THSD4: variants seen among roughly 807,000 people sequenced by gnomAD.
THSD4 encodes the protein thrombospondin type 1 domain containing 4.
In THSD4, 69 loss-of-function variants were observed where a neutral mutation model predicts 119.0. The observed-to-expected ratio is 0.58, with a 90% confidence interval of 0.48 to 0.71. The LOEUF (loss-of-function observed/expected upper bound fraction) is 0.71, where lower values mean the gene tolerates loss of function less well. Ranked by LOEUF, THSD4 falls within the 30% of genes least tolerant of loss-of-function variation. The pLI, the probability that THSD4 is intolerant of heterozygous loss-of-function variation, is 0.00. For missense variants in THSD4, 1,393 were observed against 1,391.1 expected (o/e 1.00, Z -0.02); for synonymous variants, 524 against 540.4 (o/e 0.97, Z 0.42).
At chr15:71,271,676 T>A (rs2044531988) in intron 6 of THSD4, among the ~76,000 whole-genome samples, 1 of 152,234 alleles carries the variant, frequency 6.6e-6, no homozygotes. Context: ...TCTTTCTTTC[T>A]CATTGTCTCA....
At chr15:71,152,796 G>A (rs927270052) in intron 2 of THSD4, among the ~76,000 whole-genome samples, 2 of 152,134 alleles carry the variant, frequency 1.3e-5, no homozygotes, top group Non-Finnish European at 2.9e-5. Flanking sequence ...CTCCTGCTGC[G>A]CCATGCCCTG....
intron 3 of THSD4, among the ~76,000 whole-genome samples, chr15:71,200,303 G>T (rs1596265703): frequency 6.6e-6 from 1 of 152,262 alleles, no homozygotes; most frequent in South Asian, 2.1e-4. Flanking sequence ...GGTGGATGGA[G>T]CATGGGACAT....
chr15:71,112,353 C>A (rs1038551322), upstream of THSD4: 3 of 1,002,054 alleles, frequency 3.0e-6, no homozygotes, highest in Non-Finnish European at 4.2e-6. Flanking sequence ...TATAATAGGA[C>A]AACAGGTGTA....
chr15:71,219,659 C>G (rs1395600315), intron 4 of THSD4, among the ~76,000 whole-genome samples: 1 of 152,190 alleles, frequency 6.6e-6, no homozygotes, highest in African/African-American at 2.4e-5. Context: ...ACAATGGCTC[C>G]CATGTTGAAG....
At chr15:71,239,218 A>T (rs1400588152) in intron 4 of THSD4, among the ~76,000 whole-genome samples, 2 of 152,218 alleles carry the variant, frequency 1.3e-5, no homozygotes. Flanking sequence ...AAATGAATAC[A>T]AGGCCAGAAC....
At chr15:71,303,549 G>T (rs529473456) in intron 6 of THSD4, among the ~76,000 whole-genome samples, 1 of 152,314 alleles carries the variant, frequency 6.6e-6, no homozygotes, top group Non-Finnish European at 1.5e-5. Context: ...AAAAGCCAGG[G>T]CTGTGGGCCT....
intron 7 of THSD4, among the ~76,000 whole-genome samples, chr15:71,539,495 G>T (rs940477485): frequency 6.6e-6 from 1 of 152,050 alleles, no homozygotes; most frequent in African/African-American, 2.4e-5. Flanking sequence ...ATCTGCTATG[G>T]TTTACTCTTC....
chr15:71,513,438 G>T (rs993382006), intron 7 of THSD4, among the ~76,000 whole-genome samples: 2 of 152,168 alleles, frequency 1.3e-5, no homozygotes, highest in African/African-American at 4.8e-5. Context: ...TTAATAAAAT[G>T]GGCAAAAGGC....
At chr15:71,386,648 G>A (rs755981113) in intron 6 of THSD4, among the ~76,000 whole-genome samples, 15 of 152,292 alleles carry the variant, frequency 9.8e-5, no homozygotes, top group Admixed American at 7.8e-4. Flanking sequence ...ATGTTACCAC[G>A]TGAAAGAGAA....
At chr15:71,657,257 AT>A (rs1391166997) in intron 7 of THSD4, among the ~76,000 whole-genome samples, 1 of 152,142 alleles carries the variant, frequency 6.6e-6, no homozygotes, top group Non-Finnish European at 1.5e-5. Flanking sequence ...TCACTCAACA[AT>A]ATCAGTGATG....
At chr15:71,436,044 C>T (rs568455673) in intron 7 of THSD4, among the ~76,000 whole-genome samples, 1 of 152,234 alleles carries the variant, frequency 6.6e-6, no homozygotes, top group South Asian at 2.1e-4. Flanking sequence ...GAGAATGCTC[C>T]CTCTTGGTTA....
chr15:71,287,900 A>G (rs532955548), intron 6 of THSD4, among the ~76,000 whole-genome samples: 3 of 152,344 alleles, frequency 2.0e-5, no homozygotes, highest in South Asian at 4.1e-4. Context: ...AATGATTTCT[A>G]TGGCTGAGAG....
At chr15:71,401,617 G>A (rs1394806202) in intron 6 of THSD4, among the ~76,000 whole-genome samples, 1 of 152,188 alleles carries the variant, frequency 6.6e-6, no homozygotes, top group East Asian at 1.9e-4. Flanking sequence ...TGCTAGAGAG[G>A]ATGTGGAGAA....
chr15:71,486,085 T>G (rs1217173039), intron 7 of THSD4, among the ~76,000 whole-genome samples: 6 of 152,188 alleles, frequency 3.9e-5, no homozygotes, highest in Non-Finnish European at 8.8e-5. Context: ...TAGGGACATG[T>G]GGAGTTTTAT....
intron 14 of THSD4, among the ~76,000 whole-genome samples, chr15:71,756,612 G>A (rs1450373087): frequency 3.9e-5 from 6 of 151,988 alleles, no homozygotes; most frequent in Admixed American, 6.6e-5. Flanking sequence ...GCAAAATCCC[G>A]TCTCTACAAA....
chr15:71,658,420 G>A (rs1025379433), intron 7 of THSD4, among the ~76,000 whole-genome samples: 17 of 152,194 alleles, frequency 1.1e-4, no homozygotes, highest in African/African-American at 4.1e-4. Context: ...ACAGACTGGA[G>A]GTTGGGAAGG....
intron 3 of THSD4, 28 bp from the exon 4 acceptor site, chr15:71,215,007 G>T (rs2043918749): frequency 1.6e-6 from 2 of 1,242,570 alleles, no homozygotes; most frequent in Non-Finnish European, 2.0e-6. Flanking sequence ...CGGTGTTCTG[G>T]TCCCCTAACC....
At chr15:71,101,786 T>A (rs967487653) in intron 1 of THSD4, among the ~76,000 whole-genome samples, 1 of 151,992 alleles carries the variant, frequency 6.6e-6, no homozygotes, top group Non-Finnish European at 1.5e-5. Context: ...TGATCTCAGC[T>A]CACTGCAACC....
intron 8 of THSD4, among the ~76,000 whole-genome samples, chr15:71,666,523 T>A (rs1228598617): frequency 2.0e-5 from 3 of 152,184 alleles, no homozygotes; most frequent in Non-Finnish European, 4.4e-5. Context: ...TATATAATAC[T>A]TCAGTCTCCA....
Sources: gnomAD v4.1 joint callset for allele counts (sites outside exome capture counted in the v4.1 genomes callset) on GRCh38, gnomAD v4.1.1 for gene constraint, MANE v1.5 for transcripts, NCBI Gene and HGNC (gene_info 2026-07-23, HGNC 2026-07-21) for gene names.